ARHGAP17: variants seen among roughly 807,000 people sequenced by gnomAD.
The protein encoded by ARHGAP17 is rho GTPase-activating protein 17.
Under a neutral mutation model 99.5 loss-of-function variants are expected in ARHGAP17, and 57 were observed. The observed-to-expected ratio is 0.57, with a 90% CI of 0.46 to 0.71. ARHGAP17 has a LOEUF of 0.71. Ranked by LOEUF, ARHGAP17 falls within the 30% of genes least tolerant of loss-of-function variation. ARHGAP17 has a pLI of 0.00. For synonymous variants in ARHGAP17, 417 were observed against 429.6 expected, an observed-to-expected ratio of 0.97 and a Z score of 0.36; for missense variants, 1,000 against 1,122.4, an observed-to-expected ratio of 0.89 and a Z score of 1.56.
intron 14 of ARHGAP17, among the ~76,000 whole-genome samples, chr16:24,944,918 T>C (rs2051423831): frequency 6.6e-6 from 1 of 150,388 alleles, no homozygotes; most frequent in Admixed American, 6.6e-5. Context: ...GCCTGGCAAA[T>C]GTGCCTTTTA....
intron 15 of ARHGAP17, among the ~76,000 whole-genome samples, chr16:24,943,481 G>A (rs934340345): frequency 1.2e-4 from 18 of 152,186 alleles, no homozygotes; most frequent in Non-Finnish European, 5.9e-5. Flanking sequence ...TCCAGTGGCC[G>A]GAGTTCCCCC....
intron 4 of ARHGAP17, among the ~76,000 whole-genome samples, chr16:24,970,024 A>C (rs1283146739): frequency 1.3e-5 from 2 of 151,660 alleles, no homozygotes; most frequent in Non-Finnish European, 2.9e-5. Context: ...TCTTACTTAT[A>C]TAAATTATTT....
chr16:24,930,441 G>A (rs74015790), intron 19 of ARHGAP17, among the ~76,000 whole-genome samples: 5,166 of 152,194 alleles, frequency 0.034, 270 homozygotes, highest in African/African-American at 0.11. Flanking sequence ...AAATGTAAAC[G>A]TACATAGGTC....
chr16:24,953,407 G>A (rs1006306847), intron 10 of ARHGAP17, among the ~76,000 whole-genome samples: 1 of 152,218 alleles, frequency 6.6e-6, no homozygotes, highest in Non-Finnish European at 1.5e-5. Flanking sequence ...ATGATCTCCA[G>A]TGTTGAAGGC....
chr16:24,970,730 A>T, intron 3 of ARHGAP17, 150 bp from the exon 4 acceptor site: 3 of 691,424 alleles, frequency 4.3e-6, no homozygotes, highest in South Asian at 3.5e-5. Context: ...GGTCTCACAG[A>T]TATTAGTTGT....
At position 25,015,211 on chromosome 16, in the gene ARHGAP17, G is replaced by A; in HGVS notation, c.51C>T (p.Gly17=). 2.2e-6 allele frequency: 3 copies of A among 1,338,926 alleles called. No homozygotes were observed. Among genetic ancestry groups the A allele is most frequent in the Non-Finnish European group, 2.9e-6 (3 of 1,036,236 alleles). 82.9% of individuals were successfully genotyped at this position (1,338,926 alleles called of 1,614,324 possible). A position where few individuals can be genotyped will look rare whatever the true frequency, so the allele number is the denominator to read the frequency against. Residue 17 remains glycine, a splice_region_variant and synonymous_variant, in exon 1 of 20, where the codon GGC becomes GGT. Coordinates refer to ENST00000289968, the MANE Select transcript of ARHGAP17 (RefSeq NM_001006634.3). ...CCCGTGCTGCCCGGCGCACTCGCCT[G>A]CCCACGGTCTGGTTAGCCAGCTGCT... The part of the protein sequence containing the change: ...RMKQLANQTV[G]RAEKTEVLSE...
chr16:24,995,065 A>C (rs1276690727), intron 1 of ARHGAP17, among the ~76,000 whole-genome samples: 1 of 152,136 alleles, frequency 6.6e-6, no homozygotes, highest in Non-Finnish European at 1.5e-5. Flanking sequence ...CAAAAGGGGG[A>C]AAAGTCACTT....
rs1448602878 is a variant in ARHGAP17 at position 24,943,755 on chromosome 16, C to G, written c.1333+16G>C. On this transcript the variant is annotated intron_variant, in intron 15 of 19. Coordinates refer to ENST00000289968, the MANE Select transcript of ARHGAP17 (RefSeq NM_001006634.3). ...CACATTGCTTTGGCGGTCAATGAAACTGAAGTGAGAATTACCTTCAGGGAA... is the reference window on the plus strand; with the variant it reads ...CACATTGCTTTGGCGGTCAATGAAAGTGAAGTGAGAATTACCTTCAGGGAA... The G allele has an allele frequency of 6.2e-7, 1 of 1,610,444 alleles. No homozygotes were observed. The highest frequency in any genetic ancestry group is 8.5e-7 in the Non-Finnish European group (1 of 1,176,762).
In ARHGAP17 at chr16:24,949,383, T is replaced by A. The variant is rs368298811; in HGVS notation, c.1127+21A>T. 7.5e-6 allele frequency: 12 copies of A among 1,599,680 alleles called. No homozygotes were observed. In the African/African-American group the frequency reaches 1.6e-4, roughly 21 times the overall value. ...TAAACTTATCTTCACTCCAGAGTCA[T>A]TGTAGCTCAATCATACATACCTAAA... On this transcript the variant is annotated intron_variant, in intron 13 of 19. Coordinates refer to ENST00000289968, the MANE Select transcript of ARHGAP17 (RefSeq NM_001006634.3).
chr16:24,942,767 C>CAAA (rs768002636), intron 15 of ARHGAP17, among the ~76,000 whole-genome samples: 1,974 of 69,452 alleles, frequency 0.028, 64 homozygotes, highest in African/African-American at 0.075. Context: ...GACTCTGTCT[C>CAAA]AAAAAAAAAA....
intron 1 of ARHGAP17, among the ~76,000 whole-genome samples, chr16:24,986,753 C>T (rs961375453): frequency 6.6e-6 from 1 of 152,204 alleles, no homozygotes; most frequent in Non-Finnish European, 1.5e-5. Context: ...GTGGTGCAAA[C>T]CTTGATAGCT....
chr16:24,954,848 G>C lies in ARHGAP17; in HGVS notation c.725-118C>G. 2.0e-5 allele frequency: 27 copies of C among 1,379,118 alleles called. No homozygotes were observed. In the South Asian group the frequency reaches 2.1e-4, roughly 11 times the overall value. 85.4% of individuals were successfully genotyped at this position (1,379,118 alleles called of 1,614,324 possible). A position where few individuals can be genotyped will look rare whatever the true frequency, so the allele number is the denominator to read the frequency against. On this transcript the variant is annotated intron_variant, in intron 9 of 19. Transcript: ENST00000289968. ...GACTGGTAGGTGAGGCTGTGCAAGAGGGGATACATCTGTTCTATTTGCTTT... is the reference window on the plus strand; with the variant it reads ...GACTGGTAGGTGAGGCTGTGCAAGACGGGATACATCTGTTCTATTTGCTTT...
At chr16:24,921,778 G>A (rs1330365526) in intron 19 of ARHGAP17, among the ~76,000 whole-genome samples, 1 of 152,200 alleles carries the variant, frequency 6.6e-6, no homozygotes, top group Non-Finnish European at 1.5e-5. Flanking sequence ...GGTGCTGAAT[G>A]TCATTTCAGA....
intron 3 of ARHGAP17, 27 bp from the exon 4 acceptor site, chr16:24,970,607 T>C: frequency 6.3e-7 from 1 of 1,585,192 alleles, no homozygotes; most frequent in Non-Finnish European, 8.7e-7. Flanking sequence ...AGTGTGTGTT[T>C]TTCTCATTAT....
intron 1 of ARHGAP17, among the ~76,000 whole-genome samples, chr16:24,986,108 G>A (rs2052861661): frequency 6.6e-6 from 1 of 152,148 alleles, no homozygotes; most frequent in African/African-American, 2.4e-5. Context: ...TTCCTCCAAG[G>A]CTGTAGGGAT....
intron 12 of ARHGAP17, among the ~76,000 whole-genome samples, chr16:24,949,732 G>A (rs748644310): frequency 1.1e-4 from 16 of 152,160 alleles, no homozygotes; most frequent in Non-Finnish European, 1.9e-4. Flanking sequence ...ATTTTGAGGC[G>A]TCTGTGACAA....
intron 1 of ARHGAP17, among the ~76,000 whole-genome samples, chr16:25,014,884 G>A (rs1398014540): frequency 6.6e-6 from 1 of 152,236 alleles, no homozygotes; most frequent in Admixed American, 6.5e-5. Context: ...CGGGAAGGGA[G>A]GAGAAGGACC....
At chr16:24,982,988 A>ATATT (rs1480882623) in intron 1 of ARHGAP17, among the ~76,000 whole-genome samples, 338 of 31,846 alleles carry the variant, frequency 0.011, 3 homozygotes, top group African/African-American at 0.034. Context: ...ATATATATAT[A>ATATT]TATATATATT....
At chr16:24,968,826 G>A in intron 4 of ARHGAP17, 54 bp from the exon 5 acceptor site, 2 of 1,552,442 alleles carry the variant, frequency 1.3e-6, no homozygotes, top group South Asian at 1.1e-5. Flanking sequence ...TCAGGCACTG[G>A]ATTATCGTGT....
Sources: allele counts gnomAD v4.1 joint callset (sites outside exome capture counted in the v4.1 genomes callset), GRCh38; gene constraint gnomAD v4.1.1; transcripts MANE v1.5; gene names NCBI Gene and HGNC (gene_info 2026-07-23, HGNC 2026-07-21).